Variants in LYPLAL1 observed in about 807,000 individuals in gnomAD.
LYPLAL1 encodes the protein lysophospholipase-like protein 1.
LYPLAL1 carries 23 observed loss-of-function variants against 19.7 expected under a neutral mutation model. That is an observed-to-expected ratio of 1.17 (90% CI 0.84 to 1.65). The LOEUF is 1.65. Among genes scored for constraint, LYPLAL1 ranks in the 40% most tolerant of loss-of-function variants. The pLI is 0.00. For missense variants in LYPLAL1, 355 were observed against 279.4 expected, an observed-to-expected ratio of 1.27 and a Z score of -1.93; for synonymous variants, 119 against 96.3, an observed-to-expected ratio of 1.24 and a Z score of -1.38.
the LYPLAL1 span, among the ~76,000 whole-genome samples, chr1:219,244,822 C>T: frequency 6.7e-6 from 1 of 148,236 alleles, no homozygotes; most frequent in Admixed American, 6.9e-5. Context: ...TGGTGCATGC[C>T]TGTAATCCAA....
chr1:219,284,707 T>G, the LYPLAL1 span, among the ~76,000 whole-genome samples: 1 of 152,230 alleles, frequency 6.6e-6, no homozygotes, highest in South Asian at 2.1e-4. Context: ...ACTGTTACTG[T>G]CTTTATTTTA....
the LYPLAL1 span, among the ~76,000 whole-genome samples, chr1:219,245,384 G>T: frequency 6.6e-6 from 1 of 152,154 alleles, no homozygotes; most frequent in Non-Finnish European, 1.5e-5. Flanking sequence ...GTTTTAGTCT[G>T]CCCTATGTCT....
chr1:219,177,549 CT>C (rs1484208142), intron 1 of LYPLAL1, among the ~76,000 whole-genome samples: 1 of 152,136 alleles, frequency 6.6e-6, no homozygotes, highest in African/African-American at 2.4e-5. Context: ...CTTATGTTTC[CT>C]GTCTAGGCAG....
the LYPLAL1 span, among the ~76,000 whole-genome samples, chr1:219,220,183 T>A: frequency 2.6e-5 from 4 of 152,098 alleles, no homozygotes; most frequent in Non-Finnish European, 4.4e-5. Context: ...TTAAAAAACA[T>A]ACAAGAGACC....
the LYPLAL1 span, among the ~76,000 whole-genome samples, chr1:219,329,657 C>A: frequency 6.6e-6 from 1 of 152,160 alleles, no homozygotes; most frequent in African/African-American, 2.4e-5. Flanking sequence ...GCCTTCATTG[C>A]TGAAATTGGG....
the LYPLAL1 span, among the ~76,000 whole-genome samples, chr1:219,408,537 T>TA: frequency 6.6e-6 from 1 of 152,070 alleles, no homozygotes; most frequent in Non-Finnish European, 1.5e-5. Flanking sequence ...GAAAAGGTAA[T>TA]TAATAACTCA....
At chr1:219,325,712 T>C in the LYPLAL1 span, among the ~76,000 whole-genome samples, 1 of 152,240 alleles carries the variant, frequency 6.6e-6, no homozygotes, top group Non-Finnish European at 1.5e-5. Flanking sequence ...AATTCTGATT[T>C]AATTGAGTGA....
chr1:219,207,202 G>A (rs1046724985), intron 3 of LYPLAL1, among the ~76,000 whole-genome samples: 4 of 11,342 alleles, frequency 3.5e-4, no homozygotes, highest in Non-Finnish European at 2.3e-3. Context: ...TATCTATCGC[G>A]TGTGGATTTT....
the LYPLAL1 span, among the ~76,000 whole-genome samples, chr1:219,341,639 A>G: frequency 3.9e-5 from 6 of 152,194 alleles, no homozygotes; most frequent in East Asian, 9.7e-4. Flanking sequence ...TTAAAAATCT[A>G]ATGAAAACAA....
Position 219,193,160 on chromosome 1 carries a change from C to T in LYPLAL1, c.270C>T (p.His90=). ...RFKITNDCPE[H]LESIDVMCQV... is the part of the protein sequence containing the mutation. ...AAATAACCAATGACTGCCCAGAACA[C>T]CTTGAATCAATTGATGTCATGTGTC... Residue 90 remains histidine, a synonymous_variant, in exon 3 of 5, where the codon CAC becomes CAT. Transcript: ENST00000366928. 1.2e-6 allele frequency: 2 copies of T among 1,609,532 alleles called. No individual in the cohort carries two copies. Among genetic ancestry groups the T allele is most frequent in the South Asian group, 2.2e-5 (2 of 90,920 alleles).
chr1:219,295,930 C>T, the LYPLAL1 span, among the ~76,000 whole-genome samples: 1 of 152,178 alleles, frequency 6.6e-6, no homozygotes, highest in South Asian at 2.1e-4. Context: ...AAGCTCCAGC[C>T]ACATTGACCT....
At chr1:219,360,500 C>G in the LYPLAL1 span, among the ~76,000 whole-genome samples, 1 of 152,082 alleles carries the variant, frequency 6.6e-6, no homozygotes. Flanking sequence ...GAGAAAAGAC[C>G]ATAATTATTT....
chr1:219,375,659 T>C, the LYPLAL1 span, among the ~76,000 whole-genome samples: 1 of 151,844 alleles, frequency 6.6e-6, no homozygotes, highest in Non-Finnish European at 1.5e-5. Context: ...CTAAAATTCA[T>C]GTGGAATCTA....
At chr1:219,358,855 G>T in the LYPLAL1 span, among the ~76,000 whole-genome samples, 4 of 151,368 alleles carry the variant, frequency 2.6e-5, no homozygotes, top group Admixed American at 2.0e-4. Flanking sequence ...TGTGTGTGCG[G>T]TCATCTGGGC....
At chr1:219,352,400 C>G in the LYPLAL1 span, among the ~76,000 whole-genome samples, 1 of 152,188 alleles carries the variant, frequency 6.6e-6, no homozygotes, top group Non-Finnish European at 1.5e-5. Context: ...CGCCTGTAGT[C>G]TCAGCTACTG....
chr1:219,425,230 C>T, the LYPLAL1 span, among the ~76,000 whole-genome samples: 3 of 152,110 alleles, frequency 2.0e-5, no homozygotes, highest in Non-Finnish European at 4.4e-5. Flanking sequence ...ACTTAATCAC[C>T]TCTCAAGGCT....
the LYPLAL1 span, among the ~76,000 whole-genome samples, chr1:219,354,989 A>G: frequency 6.6e-6 from 1 of 152,266 alleles, no homozygotes; most frequent in East Asian, 1.9e-4. Context: ...AGGAGTGGAA[A>G]AATAGATGAA....
the LYPLAL1 span, among the ~76,000 whole-genome samples, chr1:219,394,739 C>G: frequency 6.6e-6 from 1 of 152,146 alleles, no homozygotes; most frequent in South Asian, 2.1e-4. Context: ...AGGCATTAAG[C>G]CTAGTACTCA....
At chr1:219,258,075 C>A in the LYPLAL1 span, among the ~76,000 whole-genome samples, 1 of 152,058 alleles carries the variant, frequency 6.6e-6, no homozygotes, top group African/African-American at 2.4e-5. Flanking sequence ...CTATTCTGCT[C>A]AACCCTGCAG....
Sources: gnomAD v4.1 joint callset for allele counts (sites outside exome capture counted in the v4.1 genomes callset) on GRCh38, gnomAD v4.1.1 for gene constraint, MANE v1.5 for transcripts, NCBI Gene and HGNC (gene_info 2026-07-23, HGNC 2026-07-21) for gene names.